The following GRK5 variants were observed in gnomAD, a reference collection of about 807,000 sequenced individuals.
The protein encoded by GRK5 is G protein-coupled receptor kinase 5.
A neutral mutation model predicts 78.4 loss-of-function variants in GRK5; 40 were observed. The observed-to-expected ratio is 0.51, with a 90% confidence interval of 0.40 to 0.66. GRK5 has a LOEUF of 0.66. Among genes scored for constraint, GRK5 ranks in the 30% least tolerant of loss-of-function variants. The pLI is 0.00. For missense variants in GRK5, 598 were observed against 759.9 expected (o/e 0.79, Z 2.50); for synonymous variants, 289 against 296.8 (o/e 0.97, Z 0.27).
intron 1 of GRK5, among the ~76,000 whole-genome samples, chr10:119,262,392 G>C (rs954788078): frequency 1.4e-5 from 2 of 141,020 alleles, no homozygotes; most frequent in African/African-American, 2.7e-5. Flanking sequence ...AGGCTGGAGT[G>C]CAGTGGCGTG....
At chr10:119,303,282 T>C (rs547284805) in intron 1 of GRK5, among the ~76,000 whole-genome samples, 1 of 152,266 alleles carries the variant, frequency 6.6e-6, no homozygotes, top group East Asian at 1.9e-4. Context: ...GAGTACTCTG[T>C]AGTGGATGAG....
chr10:119,453,337 T>C, intron 15 of GRK5, 61 bp downstream of exon 15: 2 of 1,598,392 alleles, frequency 1.3e-6, no homozygotes, highest in East Asian at 2.2e-5. Context: ...CTCACTTCCA[T>C]GGGAAACGAG....
rs1851673542 is a variant in GRK5, at chr10:119,379,185, G to A, written c.149-1630G>A. Among the ~76,000 whole-genome samples the A allele has an allele frequency of 6.6e-6, 1 of 152,170 alleles. No individual in the cohort carries two copies. Among genetic ancestry groups the A allele is most frequent in the South Asian group, 2.1e-4 (1 of 4,830 alleles). ...AATGTGCCAGCATCTGGTCTGAGTG[G>A]TTTCTATGTATTGTCTTATTCATTC... On this transcript the variant is annotated intron_variant, in intron 2 of 15. Coordinates refer to ENST00000392870, the MANE Select transcript of GRK5 (RefSeq NM_005308.3). This position sits in a 1 kb window ranked among gnomAD's most constrained non-coding sequence, Gnocchi z 4.1.
At chr10:119,256,917 A>C (rs1412577973) in intron 1 of GRK5, among the ~76,000 whole-genome samples, 2 of 152,008 alleles carry the variant, frequency 1.3e-5, no homozygotes, top group African/African-American at 4.8e-5. Context: ...GTCCCTGGCA[A>C]CCGCCAATCT....
intron 8 of GRK5, among the ~76,000 whole-genome samples, chr10:119,433,668 G>C (rs1218201719): frequency 6.6e-6 from 1 of 152,198 alleles, no homozygotes; most frequent in Non-Finnish European, 1.5e-5. Flanking sequence ...TTACGGCACA[G>C]CCAGTTCCCA....
intron 1 of GRK5, among the ~76,000 whole-genome samples, chr10:119,277,033 C>T (rs1849682206): frequency 2.0e-5 from 3 of 152,118 alleles, no homozygotes; most frequent in Admixed American, 1.3e-4. Flanking sequence ...TGGGAAAATC[C>T]GATGCCTTGG....
intron 1 of GRK5, among the ~76,000 whole-genome samples, chr10:119,312,257 A>G (rs543759226): frequency 6.6e-6 from 1 of 152,316 alleles, no homozygotes; most frequent in Admixed American, 6.5e-5. Context: ...AGTGAATTTC[A>G]TTTCAATAAA....
At chr10:119,385,038 A>G (rs1157743997) in intron 3 of GRK5, among the ~76,000 whole-genome samples, 1 of 151,998 alleles carries the variant, frequency 6.6e-6, no homozygotes. Context: ...AGCCAAGTGA[A>G]TATGTGGTGA....
At position 119,248,545 on chromosome 10, in the gene GRK5, T is replaced by A. The variant is rs1193274604; in HGVS notation, c.52+40576T>A. ...AGCAATGATAGCATGAGATTATGAA[T>A]GTGCCTTGTGGAGCTTAGACTGCCT... On this transcript the variant is annotated intron_variant, in intron 1 of 15. Transcript: ENST00000392870. 2.6e-5 allele frequency among the ~76,000 whole-genome samples: 4 copies of A among 152,174 alleles called. No homozygotes were observed. In the East Asian group the frequency reaches 7.7e-4, roughly 29 times the overall value.
intron 3 of GRK5, among the ~76,000 whole-genome samples, chr10:119,386,835 C>T (rs1851806237): frequency 6.6e-6 from 1 of 152,154 alleles, no homozygotes; most frequent in Non-Finnish European, 1.5e-5. Context: ...GAGGAGGTGG[C>T]GGGGTCCTTG....
Position 119,297,167 on chromosome 10 carries a change from G to T in GRK5, c.53-29349G>T, listed in dbSNP as rs143847454. ...TGTATGGGCCCAGACCCTGCCATGGGGTTGGTTTGGAAATAGAAGCTACCA... is the reference window on the plus strand; with the variant it reads ...TGTATGGGCCCAGACCCTGCCATGGTGTTGGTTTGGAAATAGAAGCTACCA... On this transcript the variant is annotated intron_variant, in intron 1 of 15. Coordinates refer to ENST00000392870, the MANE Select transcript of GRK5 (RefSeq NM_005308.3). Among the ~76,000 whole-genome samples, 21 of 152,348 alleles carry T rather than the reference G, an allele frequency of 1.4e-4. No homozygotes were observed. In the East Asian group the frequency reaches 4.0e-3, roughly 29 times the overall value.
chr10:119,323,406 G>A (rs533236445), intron 1 of GRK5, among the ~76,000 whole-genome samples: 21 of 152,240 alleles, frequency 1.4e-4, no homozygotes, highest in Non-Finnish European at 2.8e-4. Context: ...GGATGGACCC[G>A]TCGAGTTCTA....
chr10:119,407,899 C>T (rs1441338651), intron 4 of GRK5, among the ~76,000 whole-genome samples: 1 of 152,130 alleles, frequency 6.6e-6, no homozygotes, highest in Non-Finnish European at 1.5e-5. Context: ...TGTGGTGGCT[C>T]ACGCCTGTAA....
chr10:119,273,725 C>T (rs991850795), intron 1 of GRK5, among the ~76,000 whole-genome samples: 4 of 152,244 alleles, frequency 2.6e-5, no homozygotes, highest in African/African-American at 7.2e-5. Flanking sequence ...TTTTCAGTGC[C>T]GTCACTATTA....
intron 1 of GRK5, among the ~76,000 whole-genome samples, chr10:119,324,817 A>G (rs942617682): frequency 5.9e-5 from 9 of 152,200 alleles, no homozygotes; most frequent in Non-Finnish European, 8.8e-5. Flanking sequence ...GGCATGGGTG[A>G]TTTCTTCCTC....
At chr10:119,287,943 C>T (rs892257749) in intron 1 of GRK5, among the ~76,000 whole-genome samples, 8 of 150,878 alleles carry the variant, frequency 5.3e-5, no homozygotes, top group Admixed American at 4.0e-4. Context: ...CTGCTCATTC[C>T]CCGTCCTCCC....
At chr10:119,225,531 G>A (rs1346847807) in intron 1 of GRK5, among the ~76,000 whole-genome samples, 1 of 152,024 alleles carries the variant, frequency 6.6e-6, no homozygotes, top group Non-Finnish European at 1.5e-5. Context: ...CACTCTTCTG[G>A]GCTCCTGGCA....
intron 1 of GRK5, among the ~76,000 whole-genome samples, chr10:119,308,753 C>T (rs1850313344): frequency 6.6e-6 from 1 of 152,254 alleles, no homozygotes; most frequent in East Asian, 1.9e-4. Flanking sequence ...TGCCCTCGCT[C>T]CTGACCCCCA....
intron 2 of GRK5, among the ~76,000 whole-genome samples, chr10:119,364,639 G>A (rs543909445): frequency 2.0e-5 from 3 of 152,128 alleles, no homozygotes; most frequent in African/African-American, 7.2e-5. Flanking sequence ...TGCAGTTACG[G>A]TCTGACCTTT....
Sources: gnomAD v4.1 joint callset for allele counts (sites outside exome capture counted in the v4.1 genomes callset) on GRCh38, gnomAD v4.1.1 for gene constraint, Gnocchi (gnomAD v3.1) non-coding constraint, MANE v1.5 for transcripts, NCBI Gene and HGNC (gene_info 2026-07-23, HGNC 2026-07-21) for gene names.